Variants in CADM1 observed in about 807,000 individuals in gnomAD.
The protein encoded by CADM1 is TSLC-1.
CADM1 carries 15 observed loss-of-function variants against 53.1 expected under a neutral mutation model. The ratio of observed to expected loss-of-function variants is 0.28; its 90% CI spans 0.19 to 0.44. The LOEUF is 0.44. Ranked by LOEUF, CADM1 falls within the 20% of genes least tolerant of loss-of-function variation. The probability of loss-of-function intolerance (pLI) is 1.00; values close to 1 mark genes in which losing one functional copy is unlikely to be tolerated. For missense variants in CADM1, 434 were observed against 611.3 expected (o/e 0.71, Z 3.06); for synonymous variants, 281 against 243.0 (o/e 1.16, Z -1.45).
At chr11:115,216,063 G>A (rs1412159859) in intron 6 of CADM1, among the ~76,000 whole-genome samples, 1 of 152,228 alleles carries the variant, frequency 6.6e-6, no homozygotes, top group Non-Finnish European at 1.5e-5. Flanking sequence ...GGCCTGCCTG[G>A]CAATCAGACG....
intron 1 of CADM1, among the ~76,000 whole-genome samples, chr11:115,422,871 C>T (rs572056439): frequency 1.5e-4 from 23 of 152,158 alleles, no homozygotes; most frequent in African/African-American, 3.9e-4. Context: ...CACTCAGAAA[C>T]GGAAGATTTT....
chr11:115,240,580 CTG>C (rs1449206973), intron 1 of CADM1, among the ~76,000 whole-genome samples, 160 bp from the exon 2 acceptor site: 1 of 152,170 alleles, frequency 6.6e-6, no homozygotes, highest in Non-Finnish European at 1.5e-5. Flanking sequence ...CAAAACGAGT[CTG>C]TTAATCGAAG....
At chr11:115,393,121 C>A (rs1328353772) in intron 1 of CADM1, among the ~76,000 whole-genome samples, 5 of 145,722 alleles carry the variant, frequency 3.4e-5, no homozygotes, top group Non-Finnish European at 7.5e-5. Flanking sequence ...TATGATACAT[C>A]CACAAAATTA....
At chr11:115,273,142 T>C (rs769049867) in intron 1 of CADM1, among the ~76,000 whole-genome samples, 14 of 152,324 alleles carry the variant, frequency 9.2e-5, no homozygotes, top group South Asian at 2.1e-4. Context: ...GAGCTATTTC[T>C]GACATGAAGA....
chr11:115,194,886 G>A lies in CADM1; in HGVS notation c.1111+3520C>T, dbSNP rs547142633. On this transcript the variant is annotated intron_variant, in intron 9 of 11. Transcript: ENST00000331581. ...CAGAAGCGCCCACATATGAACAAAC[G>A]AAAACCATCACACGCACCCACACAT... is the stretch of plus-strand genomic sequence containing the variant. Among the ~76,000 whole-genome samples, 11 of 152,220 alleles carry A rather than the reference G, an allele frequency of 7.2e-5. No homozygotes were observed. The South Asian group carries it at 1.2e-3, about 17-fold the overall frequency.
intron 1 of CADM1, among the ~76,000 whole-genome samples, chr11:115,315,984 T>A (rs1944657068): frequency 6.6e-6 from 1 of 152,142 alleles, no homozygotes; most frequent in African/African-American, 2.4e-5. Flanking sequence ...TGGTTTAATA[T>A]GGAGCATTCC....
Position 115,240,273 on chromosome 11 carries a change from C to A in CADM1, c.271+1G>T, listed in dbSNP as rs78370249. On this transcript the variant is annotated splice_donor_variant, in intron 2 of 11. Coordinates refer to ENST00000331581, the MANE Select transcript of CADM1 (RefSeq NM_001301043.2). LOFTEE classifies it high-confidence loss of function. ...CTACAACTATAGAGATGGAAACTTA[C>A]GCCTGAAGTCCCTGAAATAAATGGT... 6.2e-7 allele frequency: 1 copy of A among 1,613,258 alleles called. No individual in the cohort carries two copies. Among genetic ancestry groups the A allele is most frequent in the Non-Finnish European group, 8.5e-7 (1 of 1,179,702 alleles).
At chr11:115,330,143 C>A (rs993379313) in intron 1 of CADM1, among the ~76,000 whole-genome samples, 3 of 151,932 alleles carry the variant, frequency 2.0e-5, no homozygotes, top group Non-Finnish European at 4.4e-5. Context: ...GAACCACCCT[C>A]TTTTACCCAG....
intron 1 of CADM1, among the ~76,000 whole-genome samples, chr11:115,434,121 T>C (rs2135304113): frequency 6.6e-6 from 1 of 152,292 alleles, no homozygotes; most frequent in East Asian, 1.9e-4. Flanking sequence ...AGCTCAGTAG[T>C]AAGGACTTTC....
intron 1 of CADM1, among the ~76,000 whole-genome samples, chr11:115,435,917 C>T (rs1475244846): frequency 6.6e-6 from 1 of 152,124 alleles, no homozygotes; most frequent in Non-Finnish European, 1.5e-5. Context: ...TGGCCTAGAT[C>T]AATGTTTTTT....
At chr11:115,386,839 C>T (rs918219204) in intron 1 of CADM1, among the ~76,000 whole-genome samples, 4 of 152,180 alleles carry the variant, frequency 2.6e-5, no homozygotes, top group Admixed American at 6.5e-5. Flanking sequence ...TGATCAAGAG[C>T]TTAACCCTTG....
At chr11:115,437,638 A>G (rs2135313646) in intron 1 of CADM1, among the ~76,000 whole-genome samples, 1 of 152,300 alleles carries the variant, frequency 6.6e-6, no homozygotes, top group Middle Eastern at 3.4e-3. Context: ...TTTCATCACA[A>G]AACATTTGAC....
At position 115,174,100 on chromosome 11, in the gene CADM1, C is replaced by T; in HGVS notation, c.*2374G>A. On this transcript the variant is annotated 3_prime_UTR_variant, in exon 12 of 12. Transcript: ENST00000331581. ...TCCAATGTGTGGGGCCTACACTTTG[C>T]AATCTACCTGAGACGGAAAACACCA... The T allele has an allele frequency of 6.1e-6, 6 of 984,732 alleles. No individual in the cohort carries two copies. Among genetic ancestry groups the T allele is most frequent in the Non-Finnish European group, 7.2e-6 (6 of 829,350 alleles). 61.0% of individuals were successfully genotyped at this position (984,732 alleles called of 1,614,324 possible).
chr11:115,312,913 T>G (rs1302679649), intron 1 of CADM1, among the ~76,000 whole-genome samples: 1 of 152,106 alleles, frequency 6.6e-6, no homozygotes, highest in Admixed American at 6.6e-5. Context: ...GCTGGGAGTA[T>G]AATTTCTCTA....
chr11:115,459,629 G>T (rs1401375840), intron 1 of CADM1, among the ~76,000 whole-genome samples: 2 of 152,146 alleles, frequency 1.3e-5, no homozygotes, highest in African/African-American at 4.8e-5. Context: ...TCTAATGGTG[G>T]CATGGACCAG....
At chr11:115,438,505 C>G (rs966851376) in intron 1 of CADM1, among the ~76,000 whole-genome samples, 2 of 151,562 alleles carry the variant, frequency 1.3e-5, no homozygotes, top group Admixed American at 1.3e-4. Context: ...CAGAGCTGTT[C>G]ACAGAGCTTT....
intron 1 of CADM1, among the ~76,000 whole-genome samples, chr11:115,464,725 T>C (rs314492): frequency 0.87 from 131,891 of 152,250 alleles, 57,557 homozygotes; most frequent in East Asian, 0.99. Context: ...GAAAACAATT[T>C]ACAGTTGTCT....
In CADM1 at chr11:115,458,798, G is replaced by GC. The variant is rs564929978; in HGVS notation, c.124+45472dup. ...TCCTCCAGAATCAGATAAAAGACTAGCCCAGATATCAAACTCAACTGATAT... is the reference window on the plus strand; with the variant it reads ...TCCTCCAGAATCAGATAAAAGACTAGCCCCAGATATCAAACTCAACTGATAT... On this transcript the variant is annotated intron_variant, in intron 1 of 11. Coordinates refer to ENST00000331581, the MANE Select transcript of CADM1 (RefSeq NM_001301043.2). Among the ~76,000 whole-genome samples, 96 of 152,082 alleles carry GC rather than the reference G, an allele frequency of 6.3e-4. 1 individual carries two copies. The South Asian group carries it at 9.6e-3, about 15-fold the overall frequency.
intron 1 of CADM1, among the ~76,000 whole-genome samples, chr11:115,307,140 C>A (rs943387411): frequency 1.8e-4 from 27 of 152,072 alleles, no homozygotes; most frequent in African/African-American, 6.5e-4. Flanking sequence ...TTCTACTTAT[C>A]TGGATTTCCA....
Sources: allele counts gnomAD v4.1 joint callset (sites outside exome capture counted in the v4.1 genomes callset), GRCh38; gene constraint gnomAD v4.1.1; transcripts MANE v1.5; gene names NCBI Gene and HGNC (gene_info 2026-07-23, HGNC 2026-07-21).